Variants in CSNK1G3 observed in about 807,000 individuals in gnomAD.
The protein encoded by CSNK1G3 is casein kinase I isoform gamma-3.
CSNK1G3 carries 23 observed loss-of-function variants against 64.3 expected under a neutral mutation model. The observed-to-expected ratio is 0.36, with a 90% CI of 0.26 to 0.51. CSNK1G3 has a LOEUF of 0.51. CSNK1G3 is among the 20% of genes least tolerant of loss of function. CSNK1G3 has a pLI of 0.96. For missense variants in CSNK1G3, 357 were observed against 510.5 expected, an observed-to-expected ratio of 0.70 and a Z score of 2.90; for synonymous variants, 158 against 162.2, an observed-to-expected ratio of 0.97 and a Z score of 0.20.
chr5:123,582,741 A>G (rs1790537546), intron 6 of CSNK1G3, among the ~76,000 whole-genome samples: 1 of 152,160 alleles, frequency 6.6e-6, no homozygotes, highest in Admixed American at 6.6e-5. Flanking sequence ...ACAGGCTTTA[A>G]TAGGGGCCAG....
chr5:123,518,354 A>G (rs557910534), intron 1 of CSNK1G3, among the ~76,000 whole-genome samples: 4 of 152,314 alleles, frequency 2.6e-5, no homozygotes, highest in Middle Eastern at 3.4e-3. Context: ...GCTGAATTAC[A>G]GTAGATGCTG....
chr5:123,604,267 G>A (rs984927366), intron 10 of CSNK1G3, among the ~76,000 whole-genome samples: 1 of 152,112 alleles, frequency 6.6e-6, no homozygotes, highest in Non-Finnish European at 1.5e-5. Flanking sequence ...ATTTAAATGG[G>A]CAGTTTGAAA....
intron 1 of CSNK1G3, among the ~76,000 whole-genome samples, chr5:123,542,524 GT>G (rs1265954038): frequency 3.9e-5 from 6 of 152,066 alleles, no homozygotes; most frequent in Admixed American, 2.0e-4. Context: ...AGCATTTCTT[GT>G]TGTGCAGGTC....
chr5:123,565,885 G>GC (rs1221530142), intron 4 of CSNK1G3, among the ~76,000 whole-genome samples: 2 of 152,142 alleles, frequency 1.3e-5, no homozygotes, highest in Non-Finnish European at 2.9e-5. Context: ...TGAGGGATCT[G>GC]CCCCATTGAC....
At chr5:123,524,221 T>C (rs1778641988) in intron 1 of CSNK1G3, among the ~76,000 whole-genome samples, 1 of 152,234 alleles carries the variant, frequency 6.6e-6, no homozygotes, top group South Asian at 2.1e-4. Flanking sequence ...TCCTGGGTTT[T>C]TGATACTAAG....
At chr5:123,518,995 A>C (rs535476165) in intron 1 of CSNK1G3, among the ~76,000 whole-genome samples, 2 of 148,728 alleles carry the variant, frequency 1.3e-5, no homozygotes, top group African/African-American at 5.0e-5. Context: ...CCTGGCCTCA[A>C]GTGATCTGCC....
intron 12 of CSNK1G3, among the ~76,000 whole-genome samples, chr5:123,609,926 G>T (rs898652613): frequency 3.3e-5 from 5 of 152,156 alleles, no homozygotes; most frequent in Non-Finnish European, 7.4e-5. Flanking sequence ...TTATGATGGG[G>T]GCAATTTGGA....
chr5:123,512,883 G>A (rs1318228874), intron 1 of CSNK1G3, among the ~76,000 whole-genome samples: 2 of 152,108 alleles, frequency 1.3e-5, no homozygotes, highest in African/African-American at 4.8e-5. Context: ...CGCGACTGGG[G>A]CGGCGAGGGA....
intron 6 of CSNK1G3, among the ~76,000 whole-genome samples, chr5:123,583,644 G>A (rs897708683): frequency 7.2e-5 from 11 of 151,978 alleles, no homozygotes; most frequent in African/African-American, 1.4e-4. Context: ...GATTACAGGC[G>A]TGAGCCACCG....
At chr5:123,583,054 C>T (rs1295880765) in intron 6 of CSNK1G3, among the ~76,000 whole-genome samples, 5 of 152,102 alleles carry the variant, frequency 3.3e-5, no homozygotes, top group African/African-American at 7.2e-5. Flanking sequence ...ACCATGTAGG[C>T]GAGATCACCT....
At chr5:123,533,749 C>G (rs963985659) in intron 1 of CSNK1G3, among the ~76,000 whole-genome samples, 1 of 151,660 alleles carries the variant, frequency 6.6e-6, no homozygotes, top group Non-Finnish European at 1.5e-5. Flanking sequence ...TCAATTTTTG[C>G]TGCTGTTTTT....
rs779594370 is a variant in CSNK1G3, at chr5:123,554,856, A to G, written c.219+1709A>G. Among the ~76,000 whole-genome samples, 12 of 152,230 alleles carry G rather than the reference A, an allele frequency of 7.9e-5. No homozygotes were observed. The East Asian group carries it at 2.3e-3, about 29-fold the overall frequency. ...ATAGTTATCTGATATATTAAGGCAG[A>G]TAAACCATCGTGTCAAAGCAGAAAC... is the stretch of plus-strand genomic sequence containing the variant. On this transcript the variant is annotated intron_variant, in intron 3 of 12. Coordinates refer to ENST00000345990, the Ensembl canonical transcript of CSNK1G3.
At chr5:123,548,719 A>G (rs1581056798) in intron 2 of CSNK1G3, among the ~76,000 whole-genome samples, 1 of 151,930 alleles carries the variant, frequency 6.6e-6, no homozygotes, top group Admixed American at 6.6e-5. Context: ...TAGCCTGGAC[A>G]ATATAGTGAG....
intron 1 of CSNK1G3, among the ~76,000 whole-genome samples, chr5:123,533,094 A>T (rs1377510053): frequency 6.6e-6 from 1 of 151,934 alleles, no homozygotes; most frequent in Non-Finnish European, 1.5e-5. Context: ...AAGTTTACTT[A>T]ATCTATTACT....
intron 1 of CSNK1G3, among the ~76,000 whole-genome samples, chr5:123,537,438 G>T (rs1438457498): frequency 6.6e-6 from 1 of 151,908 alleles, no homozygotes; most frequent in African/African-American, 2.4e-5. Flanking sequence ...GTGAGGGGGT[G>T]GGAGGGAGTG....
intron 10 of CSNK1G3, among the ~76,000 whole-genome samples, chr5:123,603,321 G>A (rs1047304010): frequency 6.6e-6 from 1 of 151,970 alleles, no homozygotes; most frequent in African/African-American, 2.4e-5. Flanking sequence ...AAATAATAAG[G>A]TAAATTTGCA....
rs1246247848 is a variant in CSNK1G3, at chr5:123,557,545, T to TA, written c.272dup (p.Gln92AlafsTer19). ...AGCTACATTTGGAATACAGATTCTA[T>TA]AAGCAGTTAGGATCTGGAGGTAAAG... On this transcript the variant is annotated frameshift_variant, in exon 4 of 13. Transcript: ENST00000345990. LOFTEE classifies it high-confidence loss of function. 6.2e-7 allele frequency: 1 copy of TA among 1,602,804 alleles called. No homozygotes were observed. The highest frequency in any genetic ancestry group is 8.5e-7 in the Non-Finnish European group (1 of 1,173,890).
chr5:123,558,490 A>G lies in CSNK1G3; in HGVS notation c.289+926A>G, dbSNP rs569630852. Among the ~76,000 whole-genome samples the G allele has an allele frequency of 2.6e-5, 4 of 152,310 alleles. No homozygotes were observed. The South Asian group carries it at 8.3e-4, about 32-fold the overall frequency. ...GAGGAATTTTGTTTCTCCAGATTTA[A>G]TAAAATGGAATTTCTTCATGTATCT... On this transcript the variant is annotated intron_variant, in intron 4 of 12. Transcript: ENST00000345990.
At chr5:123,518,661 TTA>T (rs1777588147) in intron 1 of CSNK1G3, among the ~76,000 whole-genome samples, 1 of 152,218 alleles carries the variant, frequency 6.6e-6, no homozygotes. Context: ...TCCTAACTAG[TTA>T]TCATAAGGGA....
Sources: allele counts gnomAD v4.1 joint callset (sites outside exome capture counted in the v4.1 genomes callset), GRCh38; gene constraint gnomAD v4.1.1; transcripts MANE v1.5; gene names NCBI Gene and HGNC (gene_info 2026-07-23, HGNC 2026-07-21).